EXT1: variants seen among roughly 807,000 people sequenced by gnomAD.
The protein encoded by EXT1 is exostosin glycosyltransferase 1.
EXT1 carries 20 observed loss-of-function variants against 82.5 expected under a neutral mutation model. The ratio of observed to expected loss-of-function variants is 0.24; its 90% CI spans 0.17 to 0.35. The LOEUF (loss-of-function observed/expected upper bound fraction) is 0.35, where lower values mean the gene tolerates loss of function less well. Ranked by LOEUF, EXT1 falls within the 10% of genes least tolerant of loss-of-function variation. EXT1 has a pLI of 1.00. For missense variants in EXT1, 757 were observed against 936.5 expected (o/e 0.81, Z 2.50); for synonymous variants, 348 against 350.8 (o/e 0.99, Z 0.09).
intron 1 of EXT1, among the ~76,000 whole-genome samples, chr8:118,096,117 A>C (rs901523674): frequency 6.6e-6 from 1 of 152,212 alleles, no homozygotes; most frequent in South Asian, 2.1e-4. Context: ...ATGTGAGCCA[A>C]AAGTTTTATT....
intron 1 of EXT1, among the ~76,000 whole-genome samples, chr8:117,859,765 A>C (rs1243604993): frequency 1.3e-5 from 2 of 152,240 alleles, no homozygotes; most frequent in Non-Finnish European, 2.9e-5. Context: ...TCAACATGAA[A>C]AGTGTCCATC....
Position 117,879,766 on chromosome 8 carries a change from G to A in EXT1, c.963-42565C>T, listed in dbSNP as rs17475127. On this transcript the variant is annotated intron_variant, in intron 1 of 10. Coordinates refer to ENST00000378204, the MANE Select transcript of EXT1 (RefSeq NM_000127.3). ...AAAACACAAAAGAGAACTAGAAATA[G>A]TTCAGATCAGTCTCTGGTCACTCCT... is the stretch of plus-strand genomic sequence containing the variant. Among the ~76,000 whole-genome samples the A allele has an allele frequency of 5.3e-5, 8 of 152,274 alleles. No homozygotes were observed. In the East Asian group the frequency reaches 9.6e-4, roughly 18 times the overall value.
At chr8:117,991,268 G>T (rs889408774) in intron 1 of EXT1, among the ~76,000 whole-genome samples, 1 of 151,682 alleles carries the variant, frequency 6.6e-6, no homozygotes, top group Non-Finnish European at 1.5e-5. Context: ...ATGCCACCAC[G>T]CCCAGCTAAA....
chr8:118,041,875 G>A (rs565569456), intron 1 of EXT1, among the ~76,000 whole-genome samples: 1 of 151,760 alleles, frequency 6.6e-6, no homozygotes, highest in Non-Finnish European at 1.5e-5. Context: ...TTGAACCCAG[G>A]AGACAGAGGT....
chr8:118,057,673 A>AAG (rs1816816119), intron 1 of EXT1, among the ~76,000 whole-genome samples: 2 of 151,218 alleles, frequency 1.3e-5, no homozygotes, highest in East Asian at 3.9e-4. Flanking sequence ...GGTCTCTTTA[A>AAG]AAAAAAAATC....
rs191879745 is a variant in EXT1, at chr8:117,839,244, A to C, written c.963-2043T>G. On this transcript the variant is annotated intron_variant, in intron 1 of 10. Transcript: ENST00000378204. ...ACTAGGTAGCTGTGAGACTTAAAAA[A>C]CCCATGAATTTTCTATCTGTTTCCT... 5.1e-4 allele frequency among the ~76,000 whole-genome samples: 78 copies of C among 152,140 alleles called. 1 individual carries two copies. Among genetic ancestry groups the C allele is most frequent in the Non-Finnish European group, 4.4e-5 (3 of 67,984 alleles).
chr8:118,008,610 G>A (rs1269141344), intron 1 of EXT1, among the ~76,000 whole-genome samples: 5 of 152,044 alleles, frequency 3.3e-5, no homozygotes, highest in Admixed American at 1.3e-4. Flanking sequence ...GGATTTCCAC[G>A]CTATTATATG....
In EXT1 at chr8:118,107,473, C is replaced by A. The variant is rs552720699; in HGVS notation, c.962+2612G>T. ...GAGTCAGTATGAGAAGTCAAACTTA[C>A]ACAGATCACGTCTACAGACCTAACT... On this transcript the variant is annotated intron_variant, in intron 1 of 10. Coordinates refer to ENST00000378204, the MANE Select transcript of EXT1 (RefSeq NM_000127.3). Among the ~76,000 whole-genome samples, 8 of 152,278 alleles carry A rather than the reference C, an allele frequency of 5.3e-5. No individual in the cohort carries two copies. The South Asian group carries it at 1.5e-3, about 28-fold the overall frequency.
chr8:117,934,083 C>T lies in EXT1; in HGVS notation c.963-96882G>A, dbSNP rs142399574. 3.7e-4 allele frequency among the ~76,000 whole-genome samples: 56 copies of T among 152,242 alleles called. 1 individual carries two copies. Among genetic ancestry groups the T allele is most frequent in the Non-Finnish European group, 2.9e-4 (20 of 68,002 alleles). On this transcript the variant is annotated intron_variant, in intron 1 of 10. Transcript: ENST00000378204. Reference sequence around the variant, plus strand: ...CACTCCTGTGCCTTCTACCTCAACACGCACTGCTTCAGCACAGTGTTTTGA... The same window carrying T: ...CACTCCTGTGCCTTCTACCTCAACATGCACTGCTTCAGCACAGTGTTTTGA...
intron 1 of EXT1, among the ~76,000 whole-genome samples, chr8:117,868,840 G>A (rs1812818774): frequency 6.6e-6 from 1 of 152,062 alleles, no homozygotes; most frequent in African/African-American, 2.4e-5. Flanking sequence ...AATATGTCAC[G>A]GAACAAATGT....
At chr8:117,992,885 C>T (rs1815464616) in intron 1 of EXT1, among the ~76,000 whole-genome samples, 1 of 152,168 alleles carries the variant, frequency 6.6e-6, no homozygotes. Flanking sequence ...CAGTGTCAAG[C>T]AGAAAAACAC....
intron 7 of EXT1, among the ~76,000 whole-genome samples, chr8:117,816,681 A>C (rs1811826350): frequency 6.6e-6 from 1 of 152,214 alleles, no homozygotes; most frequent in East Asian, 1.9e-4. Flanking sequence ...CCATTTTATA[A>C]AGAAAGAAAC....
Position 117,949,160 on chromosome 8 carries a change from G to C in EXT1, c.963-111959C>G, listed in dbSNP as rs138619685. On this transcript the variant is annotated intron_variant, in intron 1 of 10. Coordinates refer to ENST00000378204, the MANE Select transcript of EXT1 (RefSeq NM_000127.3). ...AATCTCATGCTAACCCTCAGAACCAGATGATTCTGCAAGTTCCCAATTTTG... is the reference window on the plus strand; with the variant it reads ...AATCTCATGCTAACCCTCAGAACCACATGATTCTGCAAGTTCCCAATTTTG... 3.0e-3 allele frequency among the ~76,000 whole-genome samples: 464 copies of C among 152,244 alleles called. 1 individual carries two copies. Among genetic ancestry groups the C allele is most frequent in the Admixed American group, 6.0e-3 (91 of 15,286 alleles).
chr8:117,868,208 C>T (rs1199670828), intron 1 of EXT1, among the ~76,000 whole-genome samples: 1 of 152,212 alleles, frequency 6.6e-6, no homozygotes, highest in Non-Finnish European at 1.5e-5. Context: ...TATGTGGCAT[C>T]CCTGTGGCTT....
At chr8:117,830,139 C>G (rs776247379) in intron 4 of EXT1, 91 bp downstream of exon 4, 1 of 1,558,742 alleles carries the variant, frequency 6.4e-7, no homozygotes, top group Non-Finnish European at 8.8e-7. Flanking sequence ...CCCACTGGAC[C>G]AATCACACAT....
Position 117,823,038 on chromosome 8 carries a change from A to T in EXT1, c.1285-441T>A, listed in dbSNP as rs115746366. ...ATGCTAAACGGAAAGCATATTCAAGACATGACACATTCTAGAAGCTATTGA... is the reference window on the plus strand; with the variant it reads ...ATGCTAAACGGAAAGCATATTCAAGTCATGACACATTCTAGAAGCTATTGA... On this transcript the variant is annotated intron_variant, in intron 4 of 10. Coordinates refer to ENST00000378204, the MANE Select transcript of EXT1 (RefSeq NM_000127.3). 9.0e-3 allele frequency among the ~76,000 whole-genome samples: 1,371 copies of T among 152,300 alleles called. 24 individuals are homozygous for T. Among genetic ancestry groups the T allele is most frequent in the African/African-American group, 0.031 (1,277 of 41,568 alleles).
intron 1 of EXT1, among the ~76,000 whole-genome samples, chr8:117,956,322 G>A (rs964129137): frequency 6.6e-6 from 1 of 152,142 alleles, no homozygotes; most frequent in African/African-American, 2.4e-5. Flanking sequence ...TAAAAAGGAT[G>A]TGAAACTTGA....
At chr8:117,939,693 C>T (rs1233394445) in intron 1 of EXT1, among the ~76,000 whole-genome samples, 1 of 152,126 alleles carries the variant, frequency 6.6e-6, no homozygotes, top group Non-Finnish European at 1.5e-5. Flanking sequence ...GGCCCTCTAA[C>T]TTCAGATACC....
intron 1 of EXT1, among the ~76,000 whole-genome samples, chr8:117,933,234 GTA>G (rs1341290669): frequency 6.0e-5 from 5 of 82,736 alleles, no homozygotes; most frequent in African/African-American, 2.7e-4. Context: ...GTTCTGCTGG[GTA>G]TTTTTTTTTT....
Sources: gnomAD v4.1 joint callset for allele counts (sites outside exome capture counted in the v4.1 genomes callset) on GRCh38, gnomAD v4.1.1 for gene constraint, MANE v1.5 for transcripts, NCBI Gene and HGNC (gene_info 2026-07-23, HGNC 2026-07-21) for gene names.